The following ARSG variants were observed in gnomAD, a reference collection of about 807,000 sequenced individuals.
The protein encoded by ARSG is arylsulfatase G, also known as ASG.
Under a neutral mutation model 50.5 loss-of-function variants are expected in ARSG, and 37 were observed. That is an observed-to-expected ratio of 0.73 (90% CI 0.56 to 0.96). ARSG has a LOEUF of 0.96. Among genes scored for constraint, ARSG ranks in the 50% least tolerant of loss-of-function variants. ARSG has a pLI of 0.00. For synonymous variants in ARSG, 225 were observed against 254.6 expected (o/e 0.88, Z 1.11); for missense variants, 629 against 675.3 (o/e 0.93, Z 0.76).
rs1333697962 is a variant in ARSG, at chr17:68,307,794, TAA to T, written c.218+85_218+86del. On this transcript the variant is annotated intron_variant, in intron 2 of 11. Transcript: ENST00000621439. Reference sequence around the variant, plus strand: ...AGGGGAAGGGGCCGTGCAAAGCACTTAAAGAGTCATTGATGGACCCATGCTGA... The same window carrying T: ...AGGGGAAGGGGCCGTGCAAAGCACTTAGAGTCATTGATGGACCCATGCTGA... The T allele has an allele frequency of 1.6e-5, 12 of 748,744 alleles. No homozygotes were observed. The East Asian group carries it at 3.1e-4, about 19-fold the overall frequency. The allele number at this position is 748,744 out of a possible 1,614,324, so 46.4% of individuals were successfully genotyped here. A position where few individuals can be genotyped will look rare whatever the true frequency, so the allele number is the denominator to read the frequency against.
chr17:68,403,631 G>A lies in ARSG; in HGVS notation c.1303+2181G>A, dbSNP rs188952220. 1.9e-3 allele frequency among the ~76,000 whole-genome samples: 282 copies of A among 152,304 alleles called. 4 individuals are homozygous for A. The highest frequency in any genetic ancestry group is 6.6e-4 in the Non-Finnish European group (45 of 68,020). ...GATGAGGATATGATGTTATGGTCAC[G>A]CACTGGGAGTGGTCTTGAAAAGACA... is the stretch of plus-strand genomic sequence containing the variant. On this transcript the variant is annotated intron_variant, in intron 11 of 11. Transcript: ENST00000621439.
At chr17:68,297,634 A>C (rs1009719957) in intron 1 of ARSG, among the ~76,000 whole-genome samples, 2 of 152,064 alleles carry the variant, frequency 1.3e-5, no homozygotes, top group African/African-American at 4.8e-5. Context: ...AAAATTAAAA[A>C]AATTTTTTTT....
chr17:68,328,864 G>A (rs1299720724), intron 2 of ARSG, among the ~76,000 whole-genome samples: 2 of 152,130 alleles, frequency 1.3e-5, no homozygotes, highest in East Asian at 1.9e-4. Flanking sequence ...CAGGTCTTAC[G>A]AGGTAGAGTG....
chr17:68,288,163 A>ATT (rs531417432), upstream of ARSG, among the ~76,000 whole-genome samples: 11 of 147,770 alleles, frequency 7.4e-5, no homozygotes, highest in African/African-American at 2.5e-4. Flanking sequence ...CGCCCGGCTG[A>ATT]TTTTTTTTTT....
intron 9 of ARSG, among the ~76,000 whole-genome samples, chr17:68,392,398 G>A (rs2081036326): frequency 6.6e-6 from 1 of 152,144 alleles, no homozygotes; most frequent in African/African-American, 2.4e-5. Flanking sequence ...ACTAAAATAT[G>A]AACAATGGCT....
chr17:68,436,264 A>G, the ARSG span: 1 of 849,486 alleles, frequency 1.2e-6, no homozygotes, highest in East Asian at 2.4e-5. Flanking sequence ...ACAACTCCCC[A>G]GTATTGCTTA....
chr17:68,423,522 T>C (rs2082947040), downstream of ARSG, among the ~76,000 whole-genome samples: 1 of 152,218 alleles, frequency 6.6e-6, no homozygotes, highest in Admixed American at 6.5e-5. This position sits in a 1 kb window ranked among gnomAD's most constrained non-coding sequence, Gnocchi z 4.4. Context: ...ACACCTGTTC[T>C]AGGGACCTTG....
At chr17:68,407,028 T>C (rs995049753) in intron 11 of ARSG, among the ~76,000 whole-genome samples, 1 of 152,242 alleles carries the variant, frequency 6.6e-6, no homozygotes, top group Non-Finnish European at 1.5e-5. Flanking sequence ...TCTTAATCCA[T>C]GTTGAGTTGA....
intron 1 of ARSG, among the ~76,000 whole-genome samples, chr17:68,304,028 A>G (rs1555762984): frequency 6.6e-6 from 1 of 152,200 alleles, no homozygotes. Context: ...AAGAAACACA[A>G]TCTGTTTATT....
At chr17:68,384,624 A>G (rs1167501230) in intron 8 of ARSG, among the ~76,000 whole-genome samples, 2 of 152,184 alleles carry the variant, frequency 1.3e-5, no homozygotes, top group Non-Finnish European at 2.9e-5. Flanking sequence ...CTCTTCTTTA[A>G]TAGTTGTATT....
chr17:68,376,520 G>A (rs1024260247), intron 8 of ARSG, among the ~76,000 whole-genome samples: 1 of 151,714 alleles, frequency 6.6e-6, no homozygotes, highest in African/African-American at 2.4e-5. Flanking sequence ...GAAACTCCTG[G>A]GCTCAAGCAA....
chr17:68,341,625 C>T (rs1165065580), intron 2 of ARSG, among the ~76,000 whole-genome samples: 1 of 152,130 alleles, frequency 6.6e-6, no homozygotes, highest in Non-Finnish European at 1.5e-5. Flanking sequence ...TCCTGTGGCT[C>T]TATTCATCTA....
intron 3 of ARSG, among the ~76,000 whole-genome samples, chr17:68,344,246 T>A (rs1182090721): frequency 6.6e-6 from 1 of 152,212 alleles, no homozygotes; most frequent in Admixed American, 6.5e-5. Context: ...TATATCTTAT[T>A]GGCCAGAGCT....
chr17:68,391,766 T>C (rs1382696685), intron 9 of ARSG, among the ~76,000 whole-genome samples: 1 of 152,154 alleles, frequency 6.6e-6, no homozygotes, highest in African/African-American at 2.4e-5. Flanking sequence ...GACTGTTCCG[T>C]GCTCTGCGAG....
intron 8 of ARSG, among the ~76,000 whole-genome samples, chr17:68,379,593 T>G (rs2080331271): frequency 6.6e-6 from 1 of 151,988 alleles, no homozygotes; most frequent in South Asian, 2.1e-4. Context: ...CCTGCTTCTT[T>G]AGAAGGTTAT....
the ARSG span, among the ~76,000 whole-genome samples, chr17:68,437,005 A>AAAAAAATAT: frequency 6.5e-5 from 7 of 107,264 alleles, no homozygotes; most frequent in Middle Eastern, 5.3e-3. Flanking sequence ...AAAAAAAAAA[A>AAAAAAATAT]ATATATATAT....
chr17:68,363,429 T>C (rs1272462063), intron 6 of ARSG, among the ~76,000 whole-genome samples: 1 of 152,002 alleles, frequency 6.6e-6, no homozygotes. Context: ...GGATTGACCC[T>C]GCAGGCTGCA....
chr17:68,400,123 T>G (rs1424172840), intron 10 of ARSG: 2 of 152,216 alleles, frequency 1.3e-5, no homozygotes, highest in Non-Finnish European at 2.9e-5. Context: ...GTTTCTCATT[T>G]TTTTCTTAAG....
chr17:68,286,660 A>G (rs2075849542), upstream of ARSG, among the ~76,000 whole-genome samples: 1 of 151,970 alleles, frequency 6.6e-6, no homozygotes, highest in South Asian at 2.1e-4. Context: ...ACCCACCATC[A>G]TGCCCGGTTG....
Sources: gnomAD v4.1 joint callset for allele counts (sites outside exome capture counted in the v4.1 genomes callset) on GRCh38, gnomAD v4.1.1 for gene constraint, Gnocchi (gnomAD v3.1) non-coding constraint, MANE v1.5 for transcripts, NCBI Gene and HGNC (gene_info 2026-07-23, HGNC 2026-07-21) for gene names.